The following PCDHGB4 variants were observed in gnomAD, a reference collection of about 807,000 sequenced individuals.
PCDHGB4 encodes protocadherin gamma-B4.
A neutral mutation model predicts 60.5 loss-of-function variants in PCDHGB4; 38 were observed. The observed-to-expected ratio is 0.63, with a 90% CI of 0.48 to 0.82. The LOEUF (loss-of-function observed/expected upper bound fraction) is 0.82, where lower values mean the gene tolerates loss of function less well. Ranked by LOEUF, PCDHGB4 falls within the 40% of genes least tolerant of loss-of-function variation. The probability of loss-of-function intolerance (pLI) is 0.00; values close to 1 mark genes in which losing one functional copy is unlikely to be tolerated. For missense variants in PCDHGB4, 1,109 were observed against 1,209.6 expected (o/e 0.92, Z 1.23); for synonymous variants, 456 against 509.7 (o/e 0.89, Z 1.42).
chr5:141,481,261 C>T lies in PCDHGB4; in HGVS notation c.2398-13546C>T, dbSNP rs2099534823. ...TACATAGCATAGCTCTAAAAGATCA[C>T]TGTAGGAAGACATAAAATGGTATTT... On this transcript the variant is annotated intron_variant, in intron 1 of 3. Coordinates refer to ENST00000519479, the MANE Select transcript of PCDHGB4 (RefSeq NM_003736.4). Among the ~76,000 whole-genome samples, 3 of 152,252 alleles carry T rather than the reference C, an allele frequency of 2.0e-5. No individual in the cohort carries two copies. The East Asian group carries it at 5.8e-4, about 29-fold the overall frequency.
chr5:141,455,822 CCCCTTTTCCTGT>C (rs2098832641), intron 1 of PCDHGB4, among the ~76,000 whole-genome samples: 2 of 151,688 alleles, frequency 1.3e-5, no homozygotes, highest in African/African-American at 4.8e-5. Flanking sequence ...TTCCCAAGGA[CCCCTTTTCCTGT>C]CTATCTGCAT....
intron 3 of PCDHGB4, among the ~76,000 whole-genome samples, chr5:141,510,533 C>A (rs1366903068): frequency 6.6e-6 from 1 of 152,118 alleles, no homozygotes; most frequent in Non-Finnish European, 1.5e-5. Flanking sequence ...GAGAGAAATA[C>A]CAGCGAATGT....
At chr5:141,415,656 T>C (rs1211470385) in intron 1 of PCDHGB4, 9 of 1,585,542 alleles carry the variant, frequency 5.7e-6, no homozygotes, top group African/African-American at 1.4e-5. Flanking sequence ...AAAAAAAGAT[T>C]GGTTTTTACT....
Position 141,505,473 on chromosome 5 carries a change from C to T in PCDHGB4, c.2537C>T (p.Ser846Phe). The change falls in exon 3 of 4, where the codon TCC (serine) becomes TTC (phenylalanine). Residue 846 changes from serine to phenylalanine, a missense_variant. Transcript: ENST00000519479. Reference sequence around the variant, plus strand: ...ATGCTGCAAGCCATGATCTTGGCGTCCGCCAGTGGTAAGTGGTGTCAGTGT... The same window carrying T: ...ATGCTGCAAGCCATGATCTTGGCGTTCGCCAGTGGTAAGTGGTGTCAGTGT... ...TEMLQAMILA[S>F]ASEAADGSST... is the part of the protein sequence containing the mutation. The T allele has an allele frequency of 6.2e-7, 1 of 1,614,188 alleles. No homozygotes were observed. Among genetic ancestry groups the T allele is most frequent in the Non-Finnish European group, 8.5e-7 (1 of 1,180,014 alleles).
intron 1 of PCDHGB4, chr5:141,409,530 C>G: frequency 6.2e-7 from 1 of 1,613,994 alleles, no homozygotes. Flanking sequence ...TTGTATGTCG[C>G]TGACATCAAC....
chr5:141,396,911 T>C (rs756096789), intron 1 of PCDHGB4, among the ~76,000 whole-genome samples: 3 of 152,238 alleles, frequency 2.0e-5, no homozygotes, highest in Non-Finnish European at 4.4e-5. Context: ...CACTTTGCAA[T>C]TTTAAAAACT....
At chr5:141,483,700 T>C (rs1003495517) in intron 1 of PCDHGB4, among the ~76,000 whole-genome samples, 4 of 152,090 alleles carry the variant, frequency 2.6e-5, no homozygotes, top group Admixed American at 2.6e-4. Context: ...ATTCCTCTTT[T>C]TGACACCAGA....
At chr5:141,466,556 T>C (rs1398776914) in intron 1 of PCDHGB4, among the ~76,000 whole-genome samples, 1 of 152,222 alleles carries the variant, frequency 6.6e-6, no homozygotes, top group Non-Finnish European at 1.5e-5. Context: ...TGCTGTGGGC[T>C]TCATCTTCAA....
chr5:141,404,804 T>A, intron 1 of PCDHGB4: 1 of 1,613,898 alleles, frequency 6.2e-7, no homozygotes, highest in South Asian at 1.1e-5. Context: ...AGGGCTCTTC[T>A]CGGTGGGGCT....
intron 1 of PCDHGB4, among the ~76,000 whole-genome samples, chr5:141,463,706 A>T (rs568865377): frequency 2.9e-3 from 440 of 152,024 alleles, no homozygotes; most frequent in Non-Finnish European, 4.6e-3. Context: ...TCGGCCTCCA[A>T]AAGTGCTGGG....
chr5:141,436,267 T>C (rs2097805427), intron 1 of PCDHGB4, among the ~76,000 whole-genome samples: 1 of 152,198 alleles, frequency 6.6e-6, no homozygotes, highest in South Asian at 2.1e-4. Flanking sequence ...TCTGCTCACC[T>C]AACTTGATTT....
chr5:141,432,717 C>T lies in PCDHGB4; in HGVS notation c.2397+42436C>T. On this transcript the variant is annotated intron_variant, in intron 1 of 3. Transcript: ENST00000519479. The surrounding 1 kb of genome is among the most constrained non-coding windows in gnomAD (Gnocchi z 6.0). ...GCCGTCCAGGACCACGGCCAGCCCC[C>T]TCTCTCCGCCACTGTCACGCTCACC... 1 of 1,614,030 alleles carries T rather than the reference C, an allele frequency of 6.2e-7. No individual in the cohort carries two copies. Among genetic ancestry groups the T allele is most frequent in the Non-Finnish European group, 8.5e-7 (1 of 1,179,978 alleles).
intron 1 of PCDHGB4, among the ~76,000 whole-genome samples, chr5:141,425,257 G>A (rs746250240): frequency 6.6e-6 from 1 of 152,152 alleles, no homozygotes; most frequent in Non-Finnish European, 1.5e-5. Context: ...TGAGGTATTT[G>A]GCTGGGAAAA....
intron 1 of PCDHGB4, chr5:141,421,678 G>C (rs903229017): frequency 3.7e-6 from 6 of 1,613,776 alleles, no homozygotes; most frequent in Non-Finnish European, 5.1e-6. Context: ...AATTCCTGGG[G>C]CGCGATTTGC....
Position 141,487,660 on chromosome 5 carries a change from T to C in PCDHGB4, c.2398-7147T>C. Reference sequence around the variant, plus strand: ...AACAAATGCTTGAGGGTTATTCTGATCCAGGCATATGGCTAGGCCATGTCC... The same window carrying C: ...AACAAATGCTTGAGGGTTATTCTGACCCAGGCATATGGCTAGGCCATGTCC... On this transcript the variant is annotated intron_variant, in intron 1 of 3. Coordinates refer to ENST00000519479, the MANE Select transcript of PCDHGB4 (RefSeq NM_003736.4). The surrounding 1 kb of genome is among the most constrained non-coding windows in gnomAD (Gnocchi z 5.0). The C allele has an allele frequency of 6.2e-7, 1 of 1,613,442 alleles. No homozygotes were observed. The highest frequency in any genetic ancestry group is 8.5e-7 in the Non-Finnish European group (1 of 1,179,710).
rs1464186383 is a variant in PCDHGB4, at chr5:141,389,425, C to G, written c.1541C>G (p.Ala514Gly). Residue 514 changes from alanine (A) to glycine (G), a missense_variant, in exon 1 of 4, where the codon GCG (alanine) becomes GGG (glycine). Around this residue, in one of 2 missense-constraint regions of PCDHGB4, gnomAD observed 1,068 missense variants for 1,089.9 expected, o/e 0.98. Coordinates refer to ENST00000519479, the MANE Select transcript of PCDHGB4 (RefSeq NM_003736.4). ...SISAESGVVF[A>G]QRAFDHEQLR... ...AGCGCGGAGAGCGGGGTGGTGTTCG[C>G]GCAGCGCGCCTTCGACCACGAGCAG... The G allele has an allele frequency of 6.2e-7, 1 of 1,613,500 alleles. No individual in the cohort carries two copies.
intron 1 of PCDHGB4, chr5:141,394,021 G>C (rs2092901030): frequency 6.2e-7 from 1 of 1,613,480 alleles, no homozygotes; most frequent in Non-Finnish European, 8.5e-7. Flanking sequence ...AATTATTATA[G>C]ATTAGTGACA....
intron 1 of PCDHGB4, among the ~76,000 whole-genome samples, chr5:141,469,317 C>T (rs1354878667): frequency 6.6e-6 from 1 of 152,092 alleles, no homozygotes; most frequent in Non-Finnish European, 1.5e-5. Flanking sequence ...TGGCTCACGC[C>T]TGTAATCCCA....
At chr5:141,455,282 A>C (rs1307886349) in intron 1 of PCDHGB4, among the ~76,000 whole-genome samples, 1 of 152,056 alleles carries the variant, frequency 6.6e-6, no homozygotes, top group Non-Finnish European at 1.5e-5. Flanking sequence ...TATTAACATC[A>C]CTTTACATAG....
Sources: gnomAD v4.1 joint callset for allele counts (sites outside exome capture counted in the v4.1 genomes callset) on GRCh38, gnomAD v4.1.1 for gene constraint, gnomAD v4.1.1 regional missense constraint, Gnocchi (gnomAD v3.1) non-coding constraint, MANE v1.5 for transcripts, NCBI Gene and HGNC (gene_info 2026-07-23, HGNC 2026-07-21) for gene names.